GRID1: variants seen among roughly 807,000 people sequenced by gnomAD.
GRID1 encodes the protein glutamate receptor ionotropic, delta-1.
Under a neutral mutation model 98.0 loss-of-function variants are expected in GRID1, and 28 were observed. The observed-to-expected ratio is 0.29, with a 90% CI of 0.21 to 0.39. The LOEUF is 0.39. Ranked by LOEUF, GRID1 falls within the 10% of genes least tolerant of loss-of-function variation. GRID1 has a pLI of 1.00. For missense variants in GRID1, 1,111 were observed against 1,340.5 expected (o/e 0.83, Z 2.67); for synonymous variants, 553 against 538.5 (o/e 1.03, Z -0.37).
At chr10:85,833,597 C>G (rs781238257) in intron 8 of GRID1, among the ~76,000 whole-genome samples, 6 of 150,182 alleles carry the variant, frequency 4.0e-5, no homozygotes, top group Non-Finnish European at 8.9e-5. Context: ...AAGATATAAT[C>G]AAGAACTAGG....
intron 12 of GRID1, among the ~76,000 whole-genome samples, chr10:85,666,503 T>A (rs1841020358): frequency 6.6e-6 from 1 of 152,200 alleles, no homozygotes; most frequent in Admixed American, 6.5e-5. Context: ...GGCAGGTACC[T>A]GCAACCTTGG....
intron 2 of GRID1, among the ~76,000 whole-genome samples, chr10:86,219,775 G>A (rs12355302): frequency 0.28 from 42,789 of 152,096 alleles, 6,925 homozygotes; most frequent in Non-Finnish European, 0.38. Context: ...TGGTCAAAAT[G>A]CTAACTCCAG....
intron 4 of GRID1, among the ~76,000 whole-genome samples, chr10:85,965,847 T>C (rs1468554947): frequency 6.6e-6 from 1 of 150,576 alleles, no homozygotes; most frequent in Non-Finnish European, 1.5e-5. Context: ...ACCTAAGGAG[T>C]GTTTATTCAA....
chr10:85,695,328 G>C (rs184627676), intron 12 of GRID1, among the ~76,000 whole-genome samples: 1 of 152,206 alleles, frequency 6.6e-6, no homozygotes, highest in Non-Finnish European at 1.5e-5. Flanking sequence ...CATGAGAGAA[G>C]TGGGTATGCA....
chr10:86,143,246 G>A (rs1484076388), intron 3 of GRID1, among the ~76,000 whole-genome samples: 1 of 152,162 alleles, frequency 6.6e-6, no homozygotes, highest in Non-Finnish European at 1.5e-5. Flanking sequence ...GGTGGGGCTG[G>A]AGGCAGAGTA....
At chr10:86,361,852 T>C (rs997520492) in intron 2 of GRID1, among the ~76,000 whole-genome samples, 1 of 152,238 alleles carries the variant, frequency 6.6e-6, no homozygotes, top group Admixed American at 6.5e-5. Flanking sequence ...TTAATGGAGA[T>C]GACCTCTTCA....
chr10:85,810,791 T>C (rs1265485271), intron 8 of GRID1, among the ~76,000 whole-genome samples: 1 of 152,118 alleles, frequency 6.6e-6, no homozygotes, highest in African/African-American at 2.4e-5. Context: ...CCCATTACCC[T>C]GACCACAGAA....
chr10:85,619,864 T>C lies in GRID1; in HGVS notation c.2360+3A>G. 6 of 1,612,540 alleles carry C rather than the reference T, an allele frequency of 3.7e-6. No individual in the cohort carries two copies. Among genetic ancestry groups the C allele is most frequent in the Non-Finnish European group, 5.1e-6 (6 of 1,178,606 alleles). ...CGGTAGTTACCTTGCTGCCCAAGCCTACCTCTGGGAGAAGAGGTCCCTGTA... is the reference window on the plus strand; with the variant it reads ...CGGTAGTTACCTTGCTGCCCAAGCCCACCTCTGGGAGAAGAGGTCCCTGTA... On this transcript the variant is annotated splice_donor_region_variant and intron_variant, in intron 14 of 15. Coordinates refer to ENST00000327946, the MANE Select transcript of GRID1 (RefSeq NM_017551.3).
At chr10:85,613,051 C>T (rs532574242) in intron 15 of GRID1, 2 of 237,390 alleles carry the variant, frequency 8.4e-6, no homozygotes, top group South Asian at 2.3e-4. Flanking sequence ...GGGCTCCTCT[C>T]TTACCCTACA....
intron 4 of GRID1, among the ~76,000 whole-genome samples, chr10:85,935,138 CA>C (rs1289704928): frequency 1.3e-5 from 2 of 152,182 alleles, no homozygotes; most frequent in African/African-American, 4.8e-5. Flanking sequence ...GCCACTTCAT[CA>C]GGGGTACTAT....
chr10:85,625,316 G>A (rs1164714498), intron 13 of GRID1, among the ~76,000 whole-genome samples: 1 of 152,196 alleles, frequency 6.6e-6, no homozygotes, highest in African/African-American at 2.4e-5. Flanking sequence ...AGGACACAAA[G>A]GCCTGGGAGA....
intron 12 of GRID1, among the ~76,000 whole-genome samples, chr10:85,721,232 T>C (rs1323145036): frequency 6.6e-6 from 1 of 152,210 alleles, no homozygotes; most frequent in African/African-American, 2.4e-5. Context: ...GGATTATTCT[T>C]ACATCACTGG....
intron 4 of GRID1, among the ~76,000 whole-genome samples, chr10:85,951,809 A>G (rs1177406289): frequency 5.9e-5 from 9 of 152,172 alleles, no homozygotes; most frequent in African/African-American, 1.9e-4. Context: ...ATCAAAGCCC[A>G]GAGGTGCCCA....
intron 12 of GRID1, among the ~76,000 whole-genome samples, chr10:85,717,040 T>G (rs1841647990): frequency 6.6e-6 from 1 of 152,178 alleles, no homozygotes; most frequent in Non-Finnish European, 1.5e-5. Flanking sequence ...GGAGATATAA[T>G]GTACAGCATG....
chr10:86,256,650 G>T (rs1403446066), intron 2 of GRID1, among the ~76,000 whole-genome samples: 1 of 151,760 alleles, frequency 6.6e-6, no homozygotes, highest in African/African-American at 2.4e-5. Context: ...AGACTCTTTG[G>T]GACATTAACA....
intron 8 of GRID1, among the ~76,000 whole-genome samples, chr10:85,764,266 T>C (rs1842175840): frequency 6.6e-6 from 1 of 152,170 alleles, no homozygotes; most frequent in South Asian, 2.1e-4. Context: ...AAGTGATGGT[T>C]CTCAAAGGGC....
chr10:85,821,580 A>G (rs1029069395), intron 8 of GRID1, among the ~76,000 whole-genome samples: 15 of 147,352 alleles, frequency 1.0e-4, no homozygotes, highest in Non-Finnish European at 2.2e-4. Flanking sequence ...GGGTGGTGTT[A>G]GAGGGAGACA....
intron 8 of GRID1, among the ~76,000 whole-genome samples, chr10:85,741,012 C>T (rs995087904): frequency 6.6e-6 from 1 of 152,158 alleles, no homozygotes; most frequent in Non-Finnish European, 1.5e-5. Flanking sequence ...CCTCAGCCTT[C>T]CAAAGTGCTG....
chr10:85,799,327 C>G (rs762448860), intron 8 of GRID1, among the ~76,000 whole-genome samples: 1 of 152,032 alleles, frequency 6.6e-6, no homozygotes, highest in African/African-American at 2.4e-5. Context: ...TATCTGGGAT[C>G]TTTTGTAGCT....
Sources: allele counts gnomAD v4.1 joint callset (sites outside exome capture counted in the v4.1 genomes callset), GRCh38; gene constraint gnomAD v4.1.1; transcripts MANE v1.5; gene names NCBI Gene and HGNC (gene_info 2026-07-23, HGNC 2026-07-21).